Variants in ADAMTSL3 observed in about 807,000 individuals in gnomAD.
ADAMTSL3 encodes ADAMTS-like protein 3.
Under a neutral mutation model 201.7 loss-of-function variants are expected in ADAMTSL3, and 128 were observed. The ratio of observed to expected loss-of-function variants is 0.63; its 90% CI spans 0.55 to 0.73. The LOEUF is 0.73. ADAMTSL3 is among the 30% of genes least tolerant of loss of function. The probability of loss-of-function intolerance (pLI) is 0.00; values close to 1 mark genes in which losing one functional copy is unlikely to be tolerated. For missense variants in ADAMTSL3, 1,990 were observed against 2,119.6 expected, an observed-to-expected ratio of 0.94 and a Z score of 1.20; for synonymous variants, 738 against 748.4, an observed-to-expected ratio of 0.99 and a Z score of 0.23.
intron 23 of ADAMTSL3, among the ~76,000 whole-genome samples, chr15:84,004,784 C>G (rs4842929): frequency 0.41 from 62,911 of 151,948 alleles, 13,854 homozygotes; most frequent in African/African-American, 0.58. Flanking sequence ...TTTTGAGATG[C>G]GTCTTTAAGA....
chr15:83,983,493 T>A, intron 21 of ADAMTSL3, 149 bp downstream of exon 21: 2 of 639,612 alleles, frequency 3.1e-6, no homozygotes, highest in Non-Finnish European at 5.0e-6. Flanking sequence ...TTAAGATGTG[T>A]TTTTCACATA....
intron 23 of ADAMTSL3, among the ~76,000 whole-genome samples, chr15:84,000,928 C>T (rs1047785748): frequency 2.6e-5 from 4 of 152,038 alleles, no homozygotes; most frequent in African/African-American, 4.8e-5. Flanking sequence ...ATGCTGAAAC[C>T]GATGGACTTC....
At chr15:83,695,097 G>C (rs2061661263) in intron 2 of ADAMTSL3, among the ~76,000 whole-genome samples, 1 of 149,582 alleles carries the variant, frequency 6.7e-6, no homozygotes, top group Non-Finnish European at 1.5e-5. Context: ...GTGTGTGTGT[G>C]GTATGTGTGC....
intron 5 of ADAMTSL3, among the ~76,000 whole-genome samples, chr15:83,813,073 A>G (rs2063722008): frequency 6.6e-6 from 1 of 152,266 alleles, no homozygotes; most frequent in East Asian, 1.9e-4. Context: ...CAGTAGCTAA[A>G]GCATGGTAGC....
At chr15:83,987,386 A>C (rs2067498642) in intron 21 of ADAMTSL3, among the ~76,000 whole-genome samples, 1 of 152,230 alleles carries the variant, frequency 6.6e-6, no homozygotes, top group African/African-American at 2.4e-5. Context: ...GTCATCAAAG[A>C]TTTTTGAGAA....
At chr15:83,973,441 C>T (rs1393883327) in intron 20 of ADAMTSL3, among the ~76,000 whole-genome samples, 1 of 152,152 alleles carries the variant, frequency 6.6e-6, no homozygotes, top group Non-Finnish European at 1.5e-5. Context: ...TCAGCTTCAA[C>T]CCTGGTATTA....
chr15:83,691,588 C>T (rs2061608703), intron 2 of ADAMTSL3, among the ~76,000 whole-genome samples: 1 of 152,124 alleles, frequency 6.6e-6, no homozygotes, highest in Non-Finnish European at 1.5e-5. Flanking sequence ...TTTATTCAAA[C>T]CCAAAACCAA....
rs1215496638 is a variant in ADAMTSL3, at chr15:83,942,905, T to A, written c.2313T>A (p.Cys771Ter). The part of the protein sequence containing the change: ...PGWHIEEWQQ[C>*]SRTCGGGTQN... Reference sequence around the variant, plus strand: ...CTCACCCCCTCTTGTCTTCTTAGTGTTCCAGGACTTGTGGCGGGGGAACTC... The same window carrying A: ...CTCACCCCCTCTTGTCTTCTTAGTGATCCAGGACTTGTGGCGGGGGAACTC... Residue 771 changes from cysteine to a stop codon, truncating the protein, a stop_gained and splice_region_variant, in exon 19 of 30, where the codon TGT becomes TGA. Transcript: ENST00000286744. LOFTEE classifies it high-confidence loss of function. The A allele has an allele frequency of 1.2e-6, 2 of 1,611,754 alleles. No homozygotes were observed.
At chr15:83,662,481 T>C (rs2061184709) in intron 2 of ADAMTSL3, among the ~76,000 whole-genome samples, 2 of 147,794 alleles carry the variant, frequency 1.4e-5, no homozygotes, top group African/African-American at 2.5e-5. Context: ...GATGACGAGT[T>C]AGTGGGTTCA....
chr15:83,831,611 C>G (rs780937529), intron 6 of ADAMTSL3, among the ~76,000 whole-genome samples: 4 of 152,164 alleles, frequency 2.6e-5, no homozygotes, highest in Non-Finnish European at 5.9e-5. Flanking sequence ...TCATTGCAGC[C>G]TTGACCTCCT....
At chr15:83,873,370 CCAAGT>C (rs1421077137) in intron 9 of ADAMTSL3, among the ~76,000 whole-genome samples, 2 of 144,926 alleles carry the variant, frequency 1.4e-5, no homozygotes, top group African/African-American at 2.6e-5. Flanking sequence ...TTTGAAGTGG[CCAAGT>C]CAAGTAGTTG....
chr15:84,031,247 C>A (rs2068403482), intron 27 of ADAMTSL3, 88 bp from the exon 28 acceptor site: 2 of 1,325,274 alleles, frequency 1.5e-6, no homozygotes, highest in Non-Finnish European at 2.2e-6. Context: ...AATAGGTCTT[C>A]AGCTATCCTG....
At chr15:83,740,536 G>A (rs1384703677) in intron 3 of ADAMTSL3, among the ~76,000 whole-genome samples, 1 of 152,142 alleles carries the variant, frequency 6.6e-6, no homozygotes, top group Non-Finnish European at 1.5e-5. Flanking sequence ...TGACCTTAAA[G>A]ACAGGGAAAA....
At chr15:83,735,697 A>G (rs1430487989) in intron 3 of ADAMTSL3, among the ~76,000 whole-genome samples, 1 of 151,184 alleles carries the variant, frequency 6.6e-6, no homozygotes, top group Admixed American at 6.6e-5. Flanking sequence ...TGTTTTTGCC[A>G]CTGAGCAGTT....
chr15:83,818,299 AAT>A (rs2063800095), intron 5 of ADAMTSL3, among the ~76,000 whole-genome samples: 2 of 151,860 alleles, frequency 1.3e-5, no homozygotes, highest in South Asian at 4.2e-4. Context: ...AATACAAAAA[AAT>A]AATAAAATAC....
intron 3 of ADAMTSL3, among the ~76,000 whole-genome samples, chr15:83,744,761 G>A (rs1210563477): frequency 6.6e-6 from 1 of 152,156 alleles, no homozygotes; most frequent in Non-Finnish European, 1.5e-5. Context: ...CCCCACAAAT[G>A]AGCATTAATT....
intron 3 of ADAMTSL3, among the ~76,000 whole-genome samples, chr15:83,750,919 T>C (rs1036803188): frequency 1.3e-5 from 2 of 152,232 alleles, no homozygotes; most frequent in African/African-American, 2.4e-5. Flanking sequence ...TTACTGAAAG[T>C]ATTAACTCTA....
At chr15:83,956,594 C>T (rs1325166462) in intron 19 of ADAMTSL3, among the ~76,000 whole-genome samples, 1 of 152,032 alleles carries the variant, frequency 6.6e-6, no homozygotes, top group East Asian at 1.9e-4. Flanking sequence ...TATATTATGA[C>T]CCATCCAAAA....
intron 6 of ADAMTSL3, among the ~76,000 whole-genome samples, chr15:83,822,610 A>C (rs1299757718): frequency 1.3e-5 from 2 of 150,804 alleles, no homozygotes; most frequent in Non-Finnish European, 2.9e-5. Flanking sequence ...GGCCGGGCAG[A>C]GACGCTCCTC....
Sources: allele counts gnomAD v4.1 joint callset (sites outside exome capture counted in the v4.1 genomes callset), GRCh38; gene constraint gnomAD v4.1.1; transcripts MANE v1.5; gene names NCBI Gene and HGNC (gene_info 2026-07-23, HGNC 2026-07-21).